The following USP6 variants were observed in gnomAD, a reference collection of about 807,000 sequenced individuals.
The protein encoded by USP6 is ubiquitin specific peptidase 6, also known as ubiquitin carboxyl-terminal hydrolase 6.
USP6 carries 128 observed loss-of-function variants against 175.7 expected under a neutral mutation model. That is an observed-to-expected ratio of 0.73 (90% CI 0.63 to 0.84). The LOEUF is 0.84. Ranked by LOEUF, USP6 falls within the 40% of genes least tolerant of loss-of-function variation. The probability of loss-of-function intolerance (pLI) is 0.00; values close to 1 mark genes in which losing one functional copy is unlikely to be tolerated. For missense variants in USP6, 1,498 were observed against 1,760.3 expected, an observed-to-expected ratio of 0.85 and a Z score of 2.67; for synonymous variants, 562 against 630.6, an observed-to-expected ratio of 0.89 and a Z score of 1.63.
At chr17:5,143,043 G>GC (rs1220295629) in intron 25 of USP6, among the ~76,000 whole-genome samples, 1 of 151,716 alleles carries the variant, frequency 6.6e-6, no homozygotes, top group East Asian at 1.9e-4. Context: ...AAAATTATCA[G>GC]CCCCCCGCCC....
chr17:5,161,495 T>C (rs773576047), intron 31 of USP6, 33 bp from the exon 32 acceptor site: 77 of 1,608,940 alleles, frequency 4.8e-5, no homozygotes, highest in Non-Finnish European at 6.2e-5. Context: ...CCAGAAATGC[T>C]TCTTACACTC....
intron 35 of USP6, among the ~76,000 whole-genome samples, chr17:5,169,558 C>T (rs2074168633): frequency 6.6e-6 from 1 of 152,214 alleles, no homozygotes; most frequent in South Asian, 2.1e-4. Flanking sequence ...CCTCCCACCT[C>T]AGCTTCCTGA....
At chr17:5,126,293 A>G (rs2143788694) in intron 6 of USP6, among the ~76,000 whole-genome samples, 1 of 152,304 alleles carries the variant, frequency 6.6e-6, no homozygotes, top group Non-Finnish European at 1.5e-5. Context: ...GGCACTGCAG[A>G]TCCTCCCCAA....
In USP6 at chr17:5,116,118, C is replaced by T. The variant is rs147299639; in HGVS notation, c.-2550C>T. ...CTGTGGGAGCTCGTCTCCAGGCGCC[C>T]ATCAGTCTTCCCCTCACTCGACGCT... On this transcript the variant is annotated 5_prime_UTR_variant, in exon 1 of 38. Coordinates refer to ENST00000574788, the MANE Select transcript of USP6 (RefSeq NM_001304284.2). Among the ~76,000 whole-genome samples, 1 of 152,348 alleles carries T rather than the reference C, an allele frequency of 6.6e-6. No individual in the cohort carries two copies. Among genetic ancestry groups the T allele is most frequent in the Admixed American group, 6.5e-5 (1 of 15,304 alleles).
intron 2 of USP6, 102 bp from the exon 3 acceptor site, chr17:5,120,525 C>CTG (rs2072630800): frequency 2.9e-6 from 1 of 345,494 alleles, no homozygotes; most frequent in African/African-American, 2.2e-5. Flanking sequence ...GTCTGTCTGT[C>CTG]TGTCTGTCAT....
intron 2 of USP6, among the ~76,000 whole-genome samples, chr17:5,118,748 G>A (rs1051890241): frequency 1.3e-5 from 2 of 152,204 alleles, no homozygotes; most frequent in African/African-American, 4.8e-5. Flanking sequence ...GTGGCTCTCA[G>A]CGGAGAGGGG....
At chr17:5,156,843 C>G (rs550395534) in intron 31 of USP6, among the ~76,000 whole-genome samples, 12 of 150,958 alleles carry the variant, frequency 7.9e-5, no homozygotes, top group African/African-American at 2.7e-4. Context: ...GATTTTCATG[C>G]CTCAGACACC....
chr17:5,164,864 G>A (rs1014535084), intron 33 of USP6, among the ~76,000 whole-genome samples: 5 of 152,108 alleles, frequency 3.3e-5, no homozygotes, highest in Non-Finnish European at 5.9e-5. Flanking sequence ...TTATCTGAGG[G>A]GAGAATACTC....
chr17:5,117,181 A>G (rs2072556458), intron 1 of USP6, among the ~76,000 whole-genome samples: 1 of 152,142 alleles, frequency 6.6e-6, no homozygotes, highest in African/African-American at 2.4e-5. Flanking sequence ...TTGTCCATTT[A>G]TGCTCACCCT....
intron 16 of USP6, among the ~76,000 whole-genome samples, chr17:5,135,483 T>G (rs1344148701): frequency 2.6e-5 from 4 of 152,140 alleles, no homozygotes; most frequent in Non-Finnish European, 5.9e-5. Context: ...CACAAAGGAC[T>G]TGGGGCCTGG....
intron 31 of USP6, among the ~76,000 whole-genome samples, chr17:5,158,614 G>GGGGGAGAGAGAGA (rs2073938861): frequency 3.8e-5 from 1 of 26,356 alleles, no homozygotes; most frequent in African/African-American, 1.5e-4. Flanking sequence ...AGGGAGAGGG[G>GGGGGAGAGAGAGA]GAGAGAGAGA....
Position 5,120,625 on chromosome 17 carries a change from A to G in USP6, c.-1836-2A>G, listed in dbSNP as rs1477929753. ...TGAGCTCCTGCTGTCCTCTCTGCCC[A>G]GGAAATGAAGGCCCTTTGAGGTCAG... On this transcript the variant is annotated splice_acceptor_variant, in intron 2 of 37. Transcript: ENST00000574788. LOFTEE classifies it low-confidence loss of function (5UTR_SPLICE). 1 of 375,288 alleles carries G rather than the reference A, an allele frequency of 2.7e-6. No individual in the cohort carries two copies. Among genetic ancestry groups the G allele is most frequent in the Non-Finnish European group, 5.2e-6 (1 of 193,282 alleles). 23.2% of individuals were successfully genotyped at this position (375,288 alleles called of 1,614,324 possible).
intron 4 of USP6, among the ~76,000 whole-genome samples, chr17:5,122,673 C>T (rs998131936): frequency 6.6e-6 from 1 of 152,210 alleles, no homozygotes; most frequent in Non-Finnish European, 1.5e-5. Flanking sequence ...CTCCGCCCTT[C>T]CCGGGAACAA....
chr17:5,152,786 C>G (rs2073801948), intron 30 of USP6, among the ~76,000 whole-genome samples: 2 of 152,076 alleles, frequency 1.3e-5, no homozygotes, highest in African/African-American at 4.8e-5. Flanking sequence ...TGCTTGAGCC[C>G]AGGAGTTTAA....
intron 1 of USP6, among the ~76,000 whole-genome samples, chr17:5,117,237 C>G (rs11650393): frequency 0.75 from 114,401 of 152,138 alleles, 43,810 homozygotes; most frequent in Non-Finnish European, 0.81. Context: ...GCTCGATAAG[C>G]CTGGGCGAGG....
At chr17:5,120,145 TC>T (rs967340355) in intron 2 of USP6, among the ~76,000 whole-genome samples, 1 of 152,124 alleles carries the variant, frequency 6.6e-6, no homozygotes, top group African/African-American at 2.4e-5. Flanking sequence ...GGAAGGTGTT[TC>T]CCCCTGGCTT....
At chr17:5,171,891 C>T (rs2074226465) in intron 37 of USP6, among the ~76,000 whole-genome samples, 1 of 152,198 alleles carries the variant, frequency 6.6e-6, no homozygotes, top group Admixed American at 6.5e-5. Flanking sequence ...GTTGACCGGG[C>T]GCAGTGGCTC....
intron 30 of USP6, among the ~76,000 whole-genome samples, chr17:5,150,224 G>C (rs2073725370): frequency 6.6e-6 from 1 of 151,638 alleles, no homozygotes; most frequent in Admixed American, 6.6e-5. Flanking sequence ...CCTGGGAGGT[G>C]GAGGTTGCTG....
intron 27 of USP6, 119 bp downstream of exon 27, chr17:5,145,698 A>T: frequency 7.5e-7 from 1 of 1,324,728 alleles, no homozygotes; most frequent in Non-Finnish European, 9.8e-7. Context: ...AGCATATTAT[A>T]ATCGAGCAAC....
Sources: allele counts gnomAD v4.1 joint callset (sites outside exome capture counted in the v4.1 genomes callset), GRCh38; gene constraint gnomAD v4.1.1; transcripts MANE v1.5; gene names NCBI Gene and HGNC (gene_info 2026-07-23, HGNC 2026-07-21).